GULP1: variants seen among roughly 807,000 people sequenced by gnomAD.
GULP1 encodes GULP PTB domain containing engulfment adaptor 1.
A neutral mutation model predicts 40.9 loss-of-function variants in GULP1; 19 were observed. The observed-to-expected ratio is 0.46, with a 90% confidence interval of 0.32 to 0.68. The LOEUF is 0.68. Among genes scored for constraint, GULP1 ranks in the 30% least tolerant of loss-of-function variants. GULP1 has a pLI of 0.03. For synonymous variants in GULP1, 119 were observed against 117.6 expected (o/e 1.01, Z -0.08); for missense variants, 312 against 362.2 (o/e 0.86, Z 1.12).
intron 1 of GULP1, among the ~76,000 whole-genome samples, chr2:188,308,044 C>T (rs1337585311): frequency 4.5e-5 from 1 of 22,004 alleles, no homozygotes; most frequent in Non-Finnish European, 9.7e-5. Context: ...CAGTCCTGCC[C>T]CTGGGCTTTA....
chr2:188,570,236 T>C (rs770441140), intron 9 of GULP1, 116 bp downstream of exon 9: 31 of 605,346 alleles, frequency 5.1e-5, no homozygotes, highest in Non-Finnish European at 8.5e-5. Context: ...AAAGTAAACA[T>C]GGATAGAGAT....
At chr2:188,398,959 T>C (rs2051691058) in intron 2 of GULP1, among the ~76,000 whole-genome samples, 1 of 152,212 alleles carries the variant, frequency 6.6e-6, no homozygotes, top group African/African-American at 2.4e-5. Flanking sequence ...AAATCATGAA[T>C]TTTAAATTGC....
chr2:188,542,123 CAACTT>C (rs1690687038), intron 7 of GULP1: 1 of 150,536 alleles, frequency 6.6e-6, no homozygotes, highest in Non-Finnish European at 1.5e-5. Context: ...AAAAAAAAAA[CAACTT>C]AAAATAATGA....
chr2:188,575,156 T>G (rs1699917922), intron 9 of GULP1, among the ~76,000 whole-genome samples: 1 of 152,206 alleles, frequency 6.6e-6, no homozygotes, highest in Non-Finnish European at 1.5e-5. Flanking sequence ...GTTTTGGTTT[T>G]GGTCTTCCTA....
intron 2 of GULP1, among the ~76,000 whole-genome samples, chr2:188,397,223 C>T (rs530084234): frequency 2.9e-4 from 44 of 152,320 alleles, no homozygotes; most frequent in African/African-American, 1.0e-3. Context: ...ACAGTGCCTC[C>T]AGTCTGCCAT....
At chr2:188,571,494 C>T (rs1699026710) in intron 9 of GULP1, among the ~76,000 whole-genome samples, 1 of 152,100 alleles carries the variant, frequency 6.6e-6, no homozygotes, top group African/African-American at 2.4e-5. Flanking sequence ...CTCCTATGGC[C>T]TTGATGAGAG....
chr2:188,320,915 GA>G (rs201678768), intron 1 of GULP1, among the ~76,000 whole-genome samples: 4,137 of 135,330 alleles, frequency 0.031, 198 homozygotes, highest in East Asian at 0.19. Flanking sequence ...TCCTCCTCCA[GA>G]AAAAAAAAAA....
chr2:188,365,683 C>T (rs554604420), intron 1 of GULP1, among the ~76,000 whole-genome samples: 7 of 152,050 alleles, frequency 4.6e-5, no homozygotes, highest in Non-Finnish European at 7.4e-5. Context: ...AAGAAAGGCA[C>T]GGTAAAGATA....
At chr2:188,469,593 G>A (rs148422500) in intron 2 of GULP1, among the ~76,000 whole-genome samples, 1 of 152,112 alleles carries the variant, frequency 6.6e-6, no homozygotes. Flanking sequence ...GAGCAAGAGA[G>A]AGTGAATAGC....
At chr2:188,344,682 C>A (rs553377697) in intron 1 of GULP1, among the ~76,000 whole-genome samples, 1 of 152,252 alleles carries the variant, frequency 6.6e-6, no homozygotes, top group East Asian at 1.9e-4. Context: ...CTGGGTCATC[C>A]AGTTGTGTGG....
At chr2:188,508,886 A>AT (rs1324980366) in intron 4 of GULP1, among the ~76,000 whole-genome samples, 1 of 33,192 alleles carries the variant, frequency 3.0e-5, no homozygotes, top group Non-Finnish European at 2.3e-4. Flanking sequence ...TTACCCACAC[A>AT]ATTTTTTTTC....
intron 2 of GULP1, among the ~76,000 whole-genome samples, chr2:188,409,261 T>C (rs1001694504): frequency 2.6e-5 from 4 of 151,564 alleles, no homozygotes; most frequent in Non-Finnish European, 1.5e-5. Context: ...AAATCAGAAA[T>C]GAAAGAGGAG....
intron 1 of GULP1, among the ~76,000 whole-genome samples, chr2:188,361,126 C>T (rs967636814): frequency 6.6e-6 from 1 of 152,066 alleles, no homozygotes; most frequent in African/African-American, 2.4e-5. Context: ...ATGTAAAATA[C>T]GTTCTGCTTT....
chr2:188,562,959 G>C (rs1004222829), intron 7 of GULP1, among the ~76,000 whole-genome samples: 2 of 151,690 alleles, frequency 1.3e-5, no homozygotes, highest in African/African-American at 2.4e-5. Flanking sequence ...AAAGTTACAG[G>C]GGAATTAAAT....
chr2:188,569,530 T>C lies in GULP1; in HGVS notation c.516+175T>C, dbSNP rs1304130814. 6.9e-6 allele frequency: 4 copies of C among 577,530 alleles called. No homozygotes were observed. In the East Asian group the frequency reaches 1.3e-4, roughly 18 times the overall value. The allele number at this position is 577,530 out of a possible 1,614,324, so 35.8% of individuals were successfully genotyped here. A position where few individuals can be genotyped will look rare whatever the true frequency, so the allele number is the denominator to read the frequency against. The stretch of plus-strand genomic sequence containing the variant: ...TTCCTGATCCCCTGCACAGTTTTTT[T>C]TTTTTAACTATTTTATATTGAATTC... On this transcript the variant is annotated intron_variant, in intron 8 of 11. Transcript: ENST00000409830.
chr2:188,457,618 A>C (rs2059374347), intron 2 of GULP1, among the ~76,000 whole-genome samples: 3 of 152,190 alleles, frequency 2.0e-5, no homozygotes, highest in South Asian at 2.1e-4. Context: ...AGTACAATAA[A>C]GGGATATGAT....
chr2:188,383,119 A>G (rs974770026), intron 1 of GULP1, among the ~76,000 whole-genome samples: 36 of 152,248 alleles, frequency 2.4e-4, no homozygotes, highest in African/African-American at 7.9e-4. Flanking sequence ...TTCTGGTACT[A>G]TTTGAACTTA....
intron 3 of GULP1, among the ~76,000 whole-genome samples, chr2:188,479,558 G>A (rs1220784650): frequency 1.3e-5 from 2 of 152,070 alleles, no homozygotes; most frequent in Non-Finnish European, 2.9e-5. Context: ...GATTATAGGC[G>A]GGAGCCACTG....
intron 9 of GULP1, among the ~76,000 whole-genome samples, chr2:188,576,564 T>C (rs1351363689): frequency 6.6e-6 from 1 of 152,164 alleles, no homozygotes; most frequent in Non-Finnish European, 1.5e-5. Flanking sequence ...GTATATAAAA[T>C]ATTTTCTTAC....
Sources: gnomAD v4.1 joint callset for allele counts (sites outside exome capture counted in the v4.1 genomes callset) on GRCh38, gnomAD v4.1.1 for gene constraint, MANE v1.5 for transcripts, NCBI Gene and HGNC (gene_info 2026-07-23, HGNC 2026-07-21) for gene names.